TCN2: variants seen among roughly 807,000 people sequenced by gnomAD.
The protein encoded by TCN2 is transcobalamin-2.
TCN2 carries 34 observed loss-of-function variants against 48.6 expected under a neutral mutation model. That is an observed-to-expected ratio of 0.70 (90% CI 0.53 to 0.93). The LOEUF (loss-of-function observed/expected upper bound fraction) is 0.93. Among genes scored for constraint, TCN2 ranks in the 40% least tolerant of loss-of-function variants. The pLI, the probability that TCN2 is intolerant of heterozygous loss-of-function variation, is 0.00. For missense variants in TCN2, 652 were observed against 526.1 expected (o/e 1.24, Z -2.34); for synonymous variants, 283 against 212.5 (o/e 1.33, Z -2.89).
At chr22:30,614,696 A>ATC (rs1406545923) in intron 4 of TCN2, among the ~76,000 whole-genome samples, 195 bp downstream of exon 4, 1 of 152,138 alleles carries the variant, frequency 6.6e-6, no homozygotes, top group Non-Finnish European at 1.5e-5. Context: ...TGGTAGGTGG[A>ATC]TCTCTTGAGG....
intron 4 of TCN2, among the ~76,000 whole-genome samples, chr22:30,615,049 A>G (rs912831628): frequency 6.6e-6 from 1 of 152,206 alleles, no homozygotes; most frequent in Non-Finnish European, 1.5e-5. Context: ...CTCAAGTTGC[A>G]GAGTGATCAG....
At position 30,617,388 on chromosome 22, in the gene TCN2, G is replaced by C. The variant is rs747578310; in HGVS notation, c.999G>C (p.Thr333=). ...AGACCCAAGAGATCATCAGTGTCAC[G>C]CTGCAGGTGCTTAGTCTCTTGCCGC... ...IPQTQEIISV[T]LQVLSLLPPY... is the part of the protein sequence containing the mutation. Residue 333 remains threonine (T), a synonymous_variant, in exon 7 of 9, where the codon ACG becomes ACC. Coordinates refer to ENST00000215838, the MANE Select transcript of TCN2 (RefSeq NM_000355.4). 6.2e-7 allele frequency: 1 copy of C among 1,614,104 alleles called. No homozygotes were observed. Among genetic ancestry groups the C allele is most frequent in the South Asian group, 1.1e-5 (1 of 91,074 alleles).
chr22:30,618,904 G>A (rs117958009), intron 7 of TCN2, among the ~76,000 whole-genome samples: 6,521 of 152,138 alleles, frequency 0.043, 316 homozygotes, highest in East Asian at 0.24. Flanking sequence ...CGAGTAGCTG[G>A]GACTATGGGC....
intron 7 of TCN2, among the ~76,000 whole-genome samples, chr22:30,619,334 C>T (rs1435882798): frequency 5.3e-5 from 8 of 152,350 alleles, no homozygotes; most frequent in Admixed American, 4.6e-4. Flanking sequence ...CCCACCTTGG[C>T]CTCCCAAAGT....
At chr22:30,607,784 G>A (rs1344152240) in intron 1 of TCN2, among the ~76,000 whole-genome samples, 1 of 152,140 alleles carries the variant, frequency 6.6e-6, no homozygotes, top group Non-Finnish European at 1.5e-5. Context: ...CATTTTGGAA[G>A]GCTGAGGCGG....
At chr22:30,608,237 C>T (rs1018466249) in intron 1 of TCN2, among the ~76,000 whole-genome samples, 2 of 152,272 alleles carry the variant, frequency 1.3e-5, no homozygotes, top group East Asian at 3.9e-4. Flanking sequence ...CTCTTGAGAC[C>T]CTGGGGAAAC....
intron 7 of TCN2, among the ~76,000 whole-genome samples, chr22:30,622,542 C>T (rs1490638108): frequency 6.6e-6 from 1 of 152,182 alleles, no homozygotes; most frequent in Non-Finnish European, 1.5e-5. Context: ...AGTGCCACTG[C>T]CAGGTGTCTC....
chr22:30,609,517 T>C (rs1428339198), intron 1 of TCN2, among the ~76,000 whole-genome samples: 1 of 151,762 alleles, frequency 6.6e-6, no homozygotes, highest in African/African-American at 2.4e-5. Context: ...GTGCTGGAAG[T>C]GAGAGCCCGG....
At chr22:30,613,255 T>G (rs1309057757) in intron 3 of TCN2, among the ~76,000 whole-genome samples, 4 of 151,918 alleles carry the variant, frequency 2.6e-5, no homozygotes, top group African/African-American at 9.7e-5. Flanking sequence ...TATTGACAGG[T>G]GTGTTTCGTG....
In TCN2 at chr22:30,610,980, A is replaced by C; in HGVS notation, c.174A>C (p.Leu58=). The C allele has an allele frequency of 6.2e-7, 1 of 1,614,172 alleles. No individual in the cohort carries two copies. The highest frequency in any genetic ancestry group is 8.5e-7 in the Non-Finnish European group (1 of 1,180,032). ...TGAACCCCAGCATCTATGTGGGCCTACGCCTCTCCAGTCTGCAGGCTGGGA... is the reference window on the plus strand; with the variant it reads ...TGAACCCCAGCATCTATGTGGGCCTCCGCCTCTCCAGTCTGCAGGCTGGGA... ...EHLNPSIYVG[L]RLSSLQAGTK... The change falls in exon 2 of 9, where the codon CTA becomes CTC. Residue 58 remains leucine (L), a synonymous_variant. Coordinates refer to ENST00000215838, the MANE Select transcript of TCN2 (RefSeq NM_000355.4).
chr22:30,612,081 G>T (rs1751908614), intron 2 of TCN2, among the ~76,000 whole-genome samples: 1 of 151,492 alleles, frequency 6.6e-6, no homozygotes, highest in Non-Finnish European at 1.5e-5. Flanking sequence ...TTAAAAAAAA[G>T]AAAAAGAAAA....
chr22:30,617,962 C>T (rs1463281667), intron 7 of TCN2, among the ~76,000 whole-genome samples: 1 of 152,102 alleles, frequency 6.6e-6, no homozygotes, highest in Non-Finnish European at 1.5e-5. Context: ...TTTTAAGAGA[C>T]AGGGTCTCAA....
intron 4 of TCN2, 93 bp from the exon 5 acceptor site, chr22:30,615,208 G>T: frequency 7.2e-7 from 1 of 1,384,934 alleles, no homozygotes; most frequent in Non-Finnish European, 1.0e-6. Context: ...TCCTGTGGTT[G>T]TCCATAGCTA....
Position 30,611,058 on chromosome 22 carries a change from C to T in TCN2, c.252C>T (p.Leu84=). 1.2e-6 allele frequency: 2 copies of T among 1,614,024 alleles called. No homozygotes were observed. The highest frequency in any genetic ancestry group is 1.1e-5 in the South Asian group (1 of 91,084). Reference sequence around the variant, plus strand: ...TCAAGCTTGGTTACCAGCAGTGCCTCCTAGGGTATTGCCACACTCTCTTTT... The same window carrying T: ...TCAAGCTTGGTTACCAGCAGTGCCTTCTAGGGTATTGCCACACTCTCTTTT... ...HSLKLGYQQC[L]LGSAFSEDDG... Residue 84 remains leucine (L), a synonymous_variant, in exon 2 of 9, where the codon CTC becomes CTT. Coordinates refer to ENST00000215838, the MANE Select transcript of TCN2 (RefSeq NM_000355.4).
intron 8 of TCN2, among the ~76,000 whole-genome samples, chr22:30,625,266 T>C (rs144051280): frequency 6.6e-6 from 1 of 152,156 alleles, no homozygotes; most frequent in African/African-American, 2.4e-5. Flanking sequence ...GTTCTGGAGG[T>C]TGGGTGGGCA....
At chr22:30,622,911 C>G in intron 7 of TCN2, 57 bp from the exon 8 acceptor site, 1 of 1,573,772 alleles carries the variant, frequency 6.4e-7, no homozygotes, top group Non-Finnish European at 8.7e-7. Context: ...AGCACTGCCT[C>G]TCCCCTTAGG....
Position 30,610,373 on chromosome 22 carries a change from C to T in TCN2, c.65-498C>T, listed in dbSNP as rs188881749. ...GCATGTGGGCTGATGTTTTTGTAAA[C>T]GGGTAGCACACACATTCAGCAGGGC... On this transcript the variant is annotated intron_variant, in intron 1 of 8. Transcript: ENST00000215838. The T allele has an allele frequency of 2.9e-4, 133 of 454,258 alleles. 1 individual carries two copies. In the Admixed American group the frequency reaches 3.0e-3, roughly 10 times the overall value. The allele number at this position is 454,258 out of a possible 1,614,324, so 28.1% of individuals were successfully genotyped here.
chr22:30,609,612 C>G (rs942726061), intron 1 of TCN2, among the ~76,000 whole-genome samples: 4 of 152,084 alleles, frequency 2.6e-5, no homozygotes, highest in Non-Finnish European at 4.4e-5. Context: ...ACCAGAGAGA[C>G]ACAGGCTGAG....
rs1229593998 is a variant in TCN2, at chr22:30,626,689, C to T, written c.*168C>T. The T allele has an allele frequency of 2.7e-6, 2 of 729,872 alleles. No homozygotes were observed. Among genetic ancestry groups the T allele is most frequent in the South Asian group, 1.6e-5 (1 of 64,056 alleles). 45.2% of individuals were successfully genotyped at this position (729,872 alleles called of 1,614,324 possible). A position where few individuals can be genotyped will look rare whatever the true frequency, so the allele number is the denominator to read the frequency against. On this transcript the variant is annotated 3_prime_UTR_variant, in exon 9 of 9. Transcript: ENST00000215838. ...CACAAGCCCTTCGAGGGCCCTATAC[C>T]ATGGCCCACCTTGGAGCAGAGAGCC...
Sources: gnomAD v4.1 joint callset for allele counts (sites outside exome capture counted in the v4.1 genomes callset) on GRCh38, gnomAD v4.1.1 for gene constraint, MANE v1.5 for transcripts, NCBI Gene and HGNC (gene_info 2026-07-23, HGNC 2026-07-21) for gene names.